PPARGC1A: variants seen among roughly 807,000 people sequenced by gnomAD.
The protein encoded by PPARGC1A is peroxisome proliferator-activated receptor gamma coactivator 1-alpha.
In PPARGC1A, 25 loss-of-function variants were observed where a neutral mutation model predicts 88.7. That is an observed-to-expected ratio of 0.28 (90% CI 0.21 to 0.39). The LOEUF is 0.39. Among genes scored for constraint, PPARGC1A ranks in the 10% least tolerant of loss-of-function variants. The pLI is 1.00. For missense variants in PPARGC1A, 880 were observed against 968.7 expected (o/e 0.91, Z 1.22); for synonymous variants, 363 against 355.6 (o/e 1.02, Z -0.24).
At chr4:24,096,173 C>T in the PPARGC1A span, among the ~76,000 whole-genome samples, 2 of 152,196 alleles carry the variant, frequency 1.3e-5, no homozygotes, top group African/African-American at 4.8e-5. Context: ...CTCTCTCTCT[C>T]TTCCGCCACC....
At chr4:24,090,823 G>T in the PPARGC1A span, among the ~76,000 whole-genome samples, 3 of 152,330 alleles carry the variant, frequency 2.0e-5, no homozygotes, top group Admixed American at 1.3e-4. Context: ...GATTTCAGCT[G>T]GCAGCTTACG....
intron 1 of PPARGC1A, 23 bp from the exon 2 acceptor site, chr4:23,884,954 AT>A (rs768845257): frequency 1.1e-5 from 16 of 1,523,772 alleles, no homozygotes; most frequent in Admixed American, 4.3e-5. Flanking sequence ...GAAAAAAAAA[AT>A]TTAAAAAAGC....
the PPARGC1A span, among the ~76,000 whole-genome samples, chr4:24,097,460 T>G: frequency 6.6e-6 from 1 of 152,158 alleles, no homozygotes; most frequent in Admixed American, 6.5e-5. Context: ...TAACTTCACC[T>G]CAATGAAATT....
the PPARGC1A span, among the ~76,000 whole-genome samples, chr4:24,290,416 G>T: frequency 6.6e-6 from 1 of 152,054 alleles, no homozygotes; most frequent in Non-Finnish European, 1.5e-5. Flanking sequence ...GCAAAGCTCA[G>T]TCTTAAGCCT....
At chr4:24,158,253 G>C in the PPARGC1A span, among the ~76,000 whole-genome samples, 1 of 152,066 alleles carries the variant, frequency 6.6e-6, no homozygotes, top group Admixed American at 6.6e-5. Context: ...TCTACCATGA[G>C]AACCTCATCA....
chr4:24,099,141 G>C, the PPARGC1A span, among the ~76,000 whole-genome samples: 3 of 151,876 alleles, frequency 2.0e-5, no homozygotes, highest in African/African-American at 7.3e-5. Flanking sequence ...AAGACTATCT[G>C]AAGTCATAAG....
chr4:24,052,755 C>T, the PPARGC1A span, among the ~76,000 whole-genome samples: 1 of 149,128 alleles, frequency 6.7e-6, no homozygotes, highest in African/African-American at 2.5e-5. Context: ...TCCCTGTCTT[C>T]TTTAAATCTC....
At chr4:23,976,238 T>G in the PPARGC1A span, among the ~76,000 whole-genome samples, 1 of 152,188 alleles carries the variant, frequency 6.6e-6, no homozygotes, top group Non-Finnish European at 1.5e-5. Flanking sequence ...AGAAGGATCC[T>G]AAAACCTAGT....
At chr4:23,841,213 A>C (rs142096903) in intron 2 of PPARGC1A, among the ~76,000 whole-genome samples, 111 of 152,148 alleles carry the variant, frequency 7.3e-4, no homozygotes, top group African/African-American at 2.5e-3. Flanking sequence ...AGACAAACCT[A>C]CTCTCTGACC....
the PPARGC1A span, among the ~76,000 whole-genome samples, chr4:24,344,027 A>G: frequency 6.6e-6 from 1 of 152,130 alleles, no homozygotes; most frequent in Non-Finnish European, 1.5e-5. Context: ...CTCACTTAGA[A>G]TAATAGTCTC....
At chr4:23,957,045 A>G in the PPARGC1A span, among the ~76,000 whole-genome samples, 1 of 152,134 alleles carries the variant, frequency 6.6e-6, no homozygotes, top group Non-Finnish European at 1.5e-5. Flanking sequence ...CTCTGACAGC[A>G]AAGCCCACAT....
chr4:23,928,121 A>C, the PPARGC1A span, among the ~76,000 whole-genome samples: 4 of 152,156 alleles, frequency 2.6e-5, no homozygotes, highest in African/African-American at 9.7e-5. Flanking sequence ...GATGCATCAA[A>C]ATAAAGATGT....
intron 2 of PPARGC1A, among the ~76,000 whole-genome samples, chr4:23,869,718 C>T (rs1712869655): frequency 6.6e-6 from 1 of 152,040 alleles, no homozygotes; most frequent in Admixed American, 6.6e-5. Flanking sequence ...ATTACGATTT[C>T]GTATGCTCCA....
At chr4:24,207,190 C>A in the PPARGC1A span, among the ~76,000 whole-genome samples, 1 of 151,994 alleles carries the variant, frequency 6.6e-6, no homozygotes. Flanking sequence ...TCCATTAATA[C>A]CTAAAGAGAG....
upstream of PPARGC1A, among the ~76,000 whole-genome samples, chr4:23,902,738 T>C (rs1252103170): frequency 6.6e-6 from 1 of 151,850 alleles, no homozygotes; most frequent in Non-Finnish European, 1.5e-5. Flanking sequence ...TTTCAGAGGG[T>C]AATATTCACT....
chr4:23,935,381 T>A, the PPARGC1A span, among the ~76,000 whole-genome samples: 4 of 152,194 alleles, frequency 2.6e-5, no homozygotes, highest in African/African-American at 4.8e-5. Context: ...TTTTGGCTAT[T>A]TTCTTGCTGC....
chr4:23,909,943 G>C, the PPARGC1A span, among the ~76,000 whole-genome samples: 1 of 150,786 alleles, frequency 6.6e-6, no homozygotes, highest in Admixed American at 6.7e-5. Flanking sequence ...TGGGAGCCAA[G>C]ATTTGGCTCT....
At chr4:24,407,963 G>A in the PPARGC1A span, among the ~76,000 whole-genome samples, 1 of 152,272 alleles carries the variant, frequency 6.6e-6, no homozygotes. Context: ...CTCGTTTGGA[G>A]TAAGGAGCTC....
chr4:24,002,097 C>CACACAGAGAG, the PPARGC1A span, among the ~76,000 whole-genome samples: 23 of 125,378 alleles, frequency 1.8e-4, no homozygotes, highest in African/African-American at 7.5e-4. Context: ...CACACACACA[C>CACACAGAGAG]AGAGAGAGAG....
Sources: gnomAD v4.1 joint callset for allele counts (sites outside exome capture counted in the v4.1 genomes callset) on GRCh38, gnomAD v4.1.1 for gene constraint, MANE v1.5 for transcripts, NCBI Gene and HGNC (gene_info 2026-07-23, HGNC 2026-07-21) for gene names.